COL25A1: variants seen among roughly 807,000 people sequenced by gnomAD.
The protein encoded by COL25A1 is collagen alpha-1(XXV) chain.
In COL25A1, 103 loss-of-function variants were observed where a neutral mutation model predicts 128.4. That is an observed-to-expected ratio of 0.80 (90% CI 0.68 to 0.94). The LOEUF is 0.94. Among genes scored for constraint, COL25A1 ranks in the 40% least tolerant of loss-of-function variants. COL25A1 has a pLI of 0.00. For missense variants in COL25A1, 745 were observed against 840.0 expected, an observed-to-expected ratio of 0.89 and a Z score of 1.40; for synonymous variants, 279 against 277.2, an observed-to-expected ratio of 1.01 and a Z score of -0.06.
chr4:108,819,465 T>C, intron 35 of COL25A1, 136 bp from the exon 36 acceptor site: 1 of 664,094 alleles, frequency 1.5e-6, no homozygotes, highest in East Asian at 2.8e-5. Context: ...CCAGTGAAGT[T>C]GGGCAAAGTA....
chr4:108,914,984 G>A (rs1256595317), intron 13 of COL25A1, among the ~76,000 whole-genome samples: 1 of 152,148 alleles, frequency 6.6e-6, no homozygotes, highest in Non-Finnish European at 1.5e-5. Context: ...TGGCCCAAAT[G>A]AGGACACATA....
At chr4:109,215,806 G>A (rs998973616) in intron 3 of COL25A1, among the ~76,000 whole-genome samples, 1 of 152,042 alleles carries the variant, frequency 6.6e-6, no homozygotes, top group African/African-American at 2.4e-5. Context: ...GCACATATTG[G>A]GAGGATGAAT....
intron 35 of COL25A1, chr4:108,819,906 T>C: frequency 1.7e-6 from 2 of 1,186,300 alleles, no homozygotes; most frequent in African/African-American, 1.6e-5. Flanking sequence ...CCCCTGTGGA[T>C]ACAAGGGTTT....
intron 3 of COL25A1, among the ~76,000 whole-genome samples, chr4:109,270,636 C>T (rs946587241): frequency 6.6e-6 from 1 of 152,190 alleles, no homozygotes; most frequent in South Asian, 2.1e-4. Context: ...TACTTCTCCA[C>T]TCTTGAGTTC....
chr4:109,276,938 C>T (rs1722909727), intron 3 of COL25A1, among the ~76,000 whole-genome samples: 1 of 152,202 alleles, frequency 6.6e-6, no homozygotes. Context: ...CCACCAACCA[C>T]TTCTAGCTCT....
chr4:108,936,139 T>C (rs967521527), intron 11 of COL25A1, among the ~76,000 whole-genome samples: 47 of 152,182 alleles, frequency 3.1e-4, no homozygotes, highest in African/African-American at 1.1e-3. Context: ...ACTCTATAAC[T>C]CCATACCACT....
At chr4:108,851,149 G>A (rs1435091855) in intron 26 of COL25A1, among the ~76,000 whole-genome samples, 1 of 151,928 alleles carries the variant, frequency 6.6e-6, no homozygotes, top group African/African-American at 2.4e-5. Flanking sequence ...TATTGAATGG[G>A]GATCCAGGCA....
intron 20 of COL25A1, among the ~76,000 whole-genome samples, chr4:108,867,023 C>T (rs547293872): frequency 1.3e-5 from 2 of 152,266 alleles, no homozygotes; most frequent in South Asian, 4.1e-4. Context: ...TATATGAGTA[C>T]CTGGTCTATA....
intron 3 of COL25A1, among the ~76,000 whole-genome samples, chr4:109,201,244 G>GTTTAATAGA (rs1240782827): frequency 2.0e-5 from 3 of 152,106 alleles, no homozygotes; most frequent in African/African-American, 7.2e-5. Flanking sequence ...AAAGAATAGA[G>GTTTAATAGA]TTTAATAGAA....
At chr4:109,013,743 G>C (rs1756927129) in intron 5 of COL25A1, among the ~76,000 whole-genome samples, 1 of 152,134 alleles carries the variant, frequency 6.6e-6, no homozygotes, top group South Asian at 2.1e-4. Flanking sequence ...AAGCCAGCGA[G>C]ACCACGAACC....
At chr4:109,238,261 A>G (rs1425859624) in intron 3 of COL25A1, among the ~76,000 whole-genome samples, 1 of 151,854 alleles carries the variant, frequency 6.6e-6, no homozygotes, top group Non-Finnish European at 1.5e-5. Flanking sequence ...TTTTTTTCCT[A>G]ATCAAGTTTT....
intron 3 of COL25A1, among the ~76,000 whole-genome samples, chr4:109,293,059 T>A (rs1486823814): frequency 6.6e-6 from 1 of 152,028 alleles, no homozygotes; most frequent in African/African-American, 2.4e-5. Context: ...GATGACAAAT[T>A]GGGGTTTCAT....
intron 13 of COL25A1, among the ~76,000 whole-genome samples, chr4:108,917,786 G>C (rs952085576): frequency 6.6e-6 from 1 of 152,126 alleles, no homozygotes; most frequent in African/African-American, 2.4e-5. Flanking sequence ...AATAACTTTT[G>C]TTAGCCAATT....
intron 6 of COL25A1, among the ~76,000 whole-genome samples, chr4:109,006,504 T>C (rs1756022562): frequency 6.8e-6 from 1 of 147,726 alleles, no homozygotes; most frequent in East Asian, 2.0e-4. Context: ...CCTCCCAAAG[T>C]GTTGGGATTA....
chr4:109,080,141 T>C (rs1560652687), intron 3 of COL25A1, among the ~76,000 whole-genome samples: 1 of 152,160 alleles, frequency 6.6e-6, no homozygotes, highest in East Asian at 1.9e-4. Flanking sequence ...TGTGCTATTA[T>C]AGATATTAAT....
intron 3 of COL25A1, among the ~76,000 whole-genome samples, chr4:109,198,357 T>TAATC (rs1203807335): frequency 5.3e-5 from 8 of 151,308 alleles, no homozygotes; most frequent in African/African-American, 1.9e-4. Flanking sequence ...TGCTATGCAT[T>TAATC]AATCAAGAGA....
intron 3 of COL25A1, among the ~76,000 whole-genome samples, chr4:109,113,518 C>T (rs1003224080): frequency 1.4e-4 from 22 of 152,004 alleles, no homozygotes; most frequent in Non-Finnish European, 3.2e-4. Flanking sequence ...ATATTTTTAT[C>T]TCAATATAGT....
intron 3 of COL25A1, among the ~76,000 whole-genome samples, chr4:109,269,390 C>T (rs930462276): frequency 2.1e-5 from 3 of 145,688 alleles, no homozygotes; most frequent in African/African-American, 5.3e-5. Flanking sequence ...CCGCAATAAA[C>T]ATACGTGTGC....
At chr4:109,162,617 G>C (rs778748987) in intron 3 of COL25A1, among the ~76,000 whole-genome samples, 23 of 152,166 alleles carry the variant, frequency 1.5e-4, no homozygotes, top group Non-Finnish European at 3.1e-4. Context: ...GAGTCAACGA[G>C]AGCACTTTAA....
Sources: gnomAD v4.1 joint callset for allele counts (sites outside exome capture counted in the v4.1 genomes callset) on GRCh38, gnomAD v4.1.1 for gene constraint, MANE v1.5 for transcripts, NCBI Gene and HGNC (gene_info 2026-07-23, HGNC 2026-07-21) for gene names.